DCDC1: variants seen among roughly 807,000 people sequenced by gnomAD.
DCDC1 encodes doublecortin domain-containing protein 1.
In DCDC1, 200 loss-of-function variants were observed where a neutral mutation model predicts 178.3. That is an observed-to-expected ratio of 1.12 (90% confidence interval 1.00 to 1.26). The LOEUF (loss-of-function observed/expected upper bound fraction) is 1.26, where lower values mean the gene tolerates loss of function less well. Among genes scored for constraint, DCDC1 ranks in the 50% most tolerant of loss-of-function variants. The pLI is 0.00. For missense variants in DCDC1, 1,983 were observed against 1,749.2 expected (o/e 1.13, Z -2.38); for synonymous variants, 690 against 604.8 (o/e 1.14, Z -2.07).
rs1349823954 is a variant in DCDC1 at position 30,947,687 on chromosome 11, C to T, written c.2715+4758G>A. Among the ~76,000 whole-genome samples the T allele has an allele frequency of 2.6e-5, 4 of 152,028 alleles. No individual in the cohort carries two copies. In the East Asian group the frequency reaches 7.7e-4, roughly 29 times the overall value. ...TTTCTTGAGTAACAGCACAAAAGCA[C>T]AAGAAACCAAAGCAAAAATGAAAAC... On this transcript the variant is annotated intron_variant, in intron 21 of 38. Transcript: ENST00000684477.
chr11:31,213,518 G>C (rs563459786), intron 9 of DCDC1, among the ~76,000 whole-genome samples: 4 of 152,054 alleles, frequency 2.6e-5, no homozygotes, highest in South Asian at 2.1e-4. Context: ...TCAGGAGTTT[G>C]AGACCAGCCT....
chr11:30,973,037 T>C (rs957890297), intron 20 of DCDC1, among the ~76,000 whole-genome samples: 3 of 151,968 alleles, frequency 2.0e-5, no homozygotes, highest in African/African-American at 7.3e-5. Context: ...TTTTGGGGGC[T>C]GAAGTGGGTG....
At chr11:31,323,219 G>C (rs559327949) in intron 3 of DCDC1, among the ~76,000 whole-genome samples, 1 of 152,080 alleles carries the variant, frequency 6.6e-6, no homozygotes, top group South Asian at 2.1e-4. Context: ...AGCAGGAAAC[G>C]CGGCTACTTT....
chr11:31,352,597 ACT>A (rs1277955542), intron 1 of DCDC1, among the ~76,000 whole-genome samples: 1 of 152,116 alleles, frequency 6.6e-6, no homozygotes. Flanking sequence ...ACAATGTACA[ACT>A]CAATCTCAAA....
chr11:31,311,224 C>T (rs941996534), intron 3 of DCDC1, among the ~76,000 whole-genome samples: 1 of 152,148 alleles, frequency 6.6e-6, no homozygotes, highest in African/African-American at 2.4e-5. Context: ...GTGAGGCAAC[C>T]TCATGCTACT....
intron 11 of DCDC1, among the ~76,000 whole-genome samples, chr11:31,126,905 A>T (rs183419223): frequency 3.5e-4 from 54 of 152,348 alleles, no homozygotes; most frequent in Admixed American, 3.0e-3. Flanking sequence ...AAAGTAGTAG[A>T]GGACATTTAG....
At chr11:30,932,061 A>G (rs163877) in intron 21 of DCDC1, 109 bp from the exon 22 acceptor site, 697,318 of 1,032,016 alleles carry the variant, frequency 0.68, 237,879 homozygotes, top group Middle Eastern at 0.77. Context: ...CATTCATTCA[A>G]CAAAAATGTA....
At chr11:31,235,491 G>T (rs1186601208) in intron 9 of DCDC1, among the ~76,000 whole-genome samples, 2 of 151,266 alleles carry the variant, frequency 1.3e-5, no homozygotes, top group Admixed American at 6.6e-5. Context: ...CACTTAAATT[G>T]GGATTTTTAT....
intron 4 of DCDC1, 83 bp from the exon 5 acceptor site, chr11:31,306,471 A>G (rs975447709): frequency 1.5e-5 from 21 of 1,402,572 alleles, no homozygotes; most frequent in Admixed American, 2.7e-5. Context: ...ATTTTTTTAA[A>G]CAGATATAAG....
At chr11:31,099,953 C>A (rs1457368542) in intron 15 of DCDC1, among the ~76,000 whole-genome samples, 9 of 152,068 alleles carry the variant, frequency 5.9e-5, no homozygotes, top group Admixed American at 4.6e-4. Flanking sequence ...TCCTGACCTC[C>A]TGATCCGCCT....
Position 31,004,873 on chromosome 11 carries a change from G to T in DCDC1, c.2592-52305C>A, listed in dbSNP as rs140187484. Reference sequence around the variant, plus strand: ...TTGTGTTGCTCTGTGATTTAAAATAGATAAAATGTCTAAGTGTTAGAAGAA... The same window carrying T: ...TTGTGTTGCTCTGTGATTTAAAATATATAAAATGTCTAAGTGTTAGAAGAA... On this transcript the variant is annotated intron_variant, in intron 20 of 38. Transcript: ENST00000684477. Among the ~76,000 whole-genome samples the T allele has an allele frequency of 3.3e-5, 5 of 152,040 alleles. No individual in the cohort carries two copies. In the East Asian group the frequency reaches 9.7e-4, roughly 29 times the overall value.
chr11:31,181,509 CAGA>C (rs753606189), intron 9 of DCDC1, among the ~76,000 whole-genome samples: 6 of 152,212 alleles, frequency 3.9e-5, no homozygotes, highest in Non-Finnish European at 7.3e-5. Context: ...ACGAAACTTC[CAGA>C]AGAAGGAACA....
chr11:30,889,010 A>C (rs569899145), intron 36 of DCDC1, among the ~76,000 whole-genome samples: 2 of 152,284 alleles, frequency 1.3e-5, no homozygotes, highest in South Asian at 4.1e-4. Flanking sequence ...TCCAAATCAG[A>C]AGGACCTCTT....
intron 20 of DCDC1, among the ~76,000 whole-genome samples, chr11:30,997,523 A>G (rs1254963386): frequency 6.6e-6 from 1 of 152,196 alleles, no homozygotes. Context: ...CCTAGATAAA[A>G]AGACAAAGAC....
At position 30,915,572 on chromosome 11, in the gene DCDC1, C is replaced by T; in HGVS notation, c.3592G>A (p.Val1198Ile). ...CCATCAGATTTCTTCTCCACCAAAA[C>T]CACCTCCATGCCTGATCGGAGATTG... is the stretch of plus-strand genomic sequence containing the variant. ...GPNLRSGMEV[V>I]LVEKKSDGSH... The change falls in exon 27 of 39, where the codon GTT (valine) becomes ATT (isoleucine). Residue 1198 changes from valine to isoleucine, a missense_variant. Val to Ile is a conservative substitution (Grantham distance 29). Transcript: ENST00000684477. 1 of 1,613,976 alleles carries T rather than the reference C, an allele frequency of 6.2e-7. No homozygotes were observed. Among genetic ancestry groups the T allele is most frequent in the Non-Finnish European group, 8.5e-7 (1 of 1,179,874 alleles).
intron 10 of DCDC1, among the ~76,000 whole-genome samples, chr11:31,128,098 A>C (rs1591143688): frequency 6.6e-6 from 1 of 152,006 alleles, no homozygotes; most frequent in African/African-American, 2.4e-5. Flanking sequence ...TATATATATT[A>C]AATTCATTAT....
intron 21 of DCDC1, among the ~76,000 whole-genome samples, chr11:30,951,306 A>G (rs1948404627): frequency 6.6e-6 from 1 of 152,134 alleles, no homozygotes; most frequent in Non-Finnish European, 1.5e-5. Context: ...CTCCATAACA[A>G]CAATGGAAAG....
intron 20 of DCDC1, among the ~76,000 whole-genome samples, chr11:30,972,495 A>G (rs191726696): frequency 6.6e-6 from 1 of 152,276 alleles, no homozygotes; most frequent in Non-Finnish European, 1.5e-5. Context: ...CAAGAGGATG[A>G]TATCTACCAT....
At chr11:31,336,467 G>A (rs897679418) in intron 1 of DCDC1, among the ~76,000 whole-genome samples, 5 of 152,200 alleles carry the variant, frequency 3.3e-5, no homozygotes, top group African/African-American at 1.2e-4. Context: ...GGACCTTGCA[G>A]GACATTGTTA....
Sources: gnomAD v4.1 joint callset for allele counts (sites outside exome capture counted in the v4.1 genomes callset) on GRCh38, gnomAD v4.1.1 for gene constraint, MANE v1.5 for transcripts, NCBI Gene and HGNC (gene_info 2026-07-23, HGNC 2026-07-21) for gene names.